Variants in ACSM3 observed in about 807,000 individuals in gnomAD.
ACSM3 encodes the protein acyl-coenzyme A synthetase ACSM3, mitochondrial.
Under a neutral mutation model 74.1 loss-of-function variants are expected in ACSM3, and 61 were observed. That is an observed-to-expected ratio of 0.82 (90% CI 0.67 to 1.02). The LOEUF is 1.02. Among genes scored for constraint, ACSM3 ranks in the 50% least tolerant of loss-of-function variants. The pLI is 0.00. For synonymous variants in ACSM3, 213 were observed against 241.5 expected (o/e 0.88, Z 1.09); for missense variants, 660 against 697.0 (o/e 0.95, Z 0.60).
chr16:20,766,425 C>T (rs746540007), intron 1 of ACSM3, among the ~76,000 whole-genome samples: 64 of 151,756 alleles, frequency 4.2e-4, no homozygotes, highest in Non-Finnish European at 7.4e-4. Flanking sequence ...AGGCCGTGTG[C>T]GTGTTTGTGT....
At chr16:20,787,930 G>A (rs2080509802) in intron 9 of ACSM3, among the ~76,000 whole-genome samples, 1 of 152,138 alleles carries the variant, frequency 6.6e-6, no homozygotes, top group African/African-American at 2.4e-5. Flanking sequence ...CACCACTTCA[G>A]TCTCAGATGG....
intron 1 of ACSM3, chr16:20,729,179 C>A (rs576574851): frequency 1.3e-5 from 9 of 676,306 alleles, no homozygotes; most frequent in Non-Finnish European, 2.2e-5. Context: ...AGTGTTATAC[C>A]CATTTCTGTT....
At chr16:20,773,427 T>C (rs2080217700) in intron 2 of ACSM3, among the ~76,000 whole-genome samples, 2 of 152,188 alleles carry the variant, frequency 1.3e-5, no homozygotes, top group South Asian at 4.1e-4. Flanking sequence ...CTTTTCTGGT[T>C]CCTTGAGGTG....
intron 1 of ACSM3, among the ~76,000 whole-genome samples, chr16:20,716,266 G>A (rs2079761151): frequency 6.6e-6 from 1 of 152,142 alleles, no homozygotes; most frequent in African/African-American, 2.4e-5. Context: ...TTTGTATAGG[G>A]ATTGTTGGCA....
chr16:20,737,204 AGCTTT>A, intron 1 of ACSM3: 1 of 1,614,262 alleles, frequency 6.2e-7, no homozygotes, highest in Non-Finnish European at 8.5e-7. Context: ...GGCAACAGAC[AGCTTT>A]GATGATTTCT....
chr16:20,735,761 T>C (rs1465158649), intron 1 of ACSM3: 1 of 152,256 alleles, frequency 6.6e-6, no homozygotes, highest in Non-Finnish European at 1.5e-5. Flanking sequence ...TGACTCATCA[T>C]CCTGGATAGA....
At chr16:20,741,423 T>C (rs899160493) in intron 1 of ACSM3, 36 of 1,431,616 alleles carry the variant, frequency 2.5e-5, no homozygotes, top group Non-Finnish European at 2.9e-5. Context: ...GAGGCGCGCA[T>C]GCCCATACCA....
chr16:20,678,470 G>A (rs2079360648), intron 1 of ACSM3, among the ~76,000 whole-genome samples: 1 of 152,174 alleles, frequency 6.6e-6, no homozygotes, highest in African/African-American at 2.4e-5. Context: ...CATGCCATGT[G>A]AAAAACTGCT....
chr16:20,791,112 T>C (rs541073564), intron 10 of ACSM3, among the ~76,000 whole-genome samples: 19 of 152,246 alleles, frequency 1.2e-4, no homozygotes, highest in Non-Finnish European at 5.9e-5. Flanking sequence ...AGCTCCTTAC[T>C]GTTTACAACA....
Position 20,797,313 on chromosome 16 carries a change from T to C in ACSM3, c.*341T>C. The C allele has an allele frequency of 2.9e-6, 3 of 1,023,196 alleles. No individual in the cohort carries two copies. The highest frequency in any genetic ancestry group is 3.5e-6 in the Non-Finnish European group (3 of 856,546). The allele number at this position is 1,023,196 out of a possible 1,614,324, so 63.4% of individuals were successfully genotyped here. On this transcript the variant is annotated 3_prime_UTR_variant, in exon 14 of 14. Coordinates refer to ENST00000289416, the MANE Select transcript of ACSM3 (RefSeq NM_005622.4). ...TTGACTAATTCTTCTGATATGTTGA[T>C]ATACAAATCAGAACCAATGTTCAAG...
chr16:20,741,701 G>A, intron 1 of ACSM3: 1 of 1,578,270 alleles, frequency 6.3e-7, no homozygotes, highest in East Asian at 2.3e-5. Flanking sequence ...TGCGCTTCCC[G>A]CCGCCAGGCT....
At chr16:20,693,167 C>T (rs889999109) in intron 1 of ACSM3, among the ~76,000 whole-genome samples, 1 of 143,164 alleles carries the variant, frequency 7.0e-6, no homozygotes, top group Non-Finnish European at 1.5e-5. Flanking sequence ...AAAATTCCGT[C>T]TCAAAAAAAA....
At chr16:20,747,549 A>G (rs940762210) in intron 1 of ACSM3, among the ~76,000 whole-genome samples, 8 of 152,036 alleles carry the variant, frequency 5.3e-5, no homozygotes, top group Admixed American at 3.9e-4. Flanking sequence ...CACCTAATAA[A>G]ATCCTCCTGT....
intron 1 of ACSM3, among the ~76,000 whole-genome samples, chr16:20,732,156 C>A (rs1293563274): frequency 1.3e-5 from 2 of 152,088 alleles, no homozygotes; most frequent in Admixed American, 6.6e-5. Context: ...CCCAAAGAAA[C>A]CATGAAATCT....
At chr16:20,677,930 C>T (rs2079340752) in intron 1 of ACSM3, among the ~76,000 whole-genome samples, 1 of 152,020 alleles carries the variant, frequency 6.6e-6, no homozygotes, top group Non-Finnish European at 1.5e-5. Flanking sequence ...AATTCTACAG[C>T]TCTTAAATGC....
At chr16:20,782,235 T>TTTTTG (rs1300580247) in intron 7 of ACSM3, among the ~76,000 whole-genome samples, 1 of 152,170 alleles carries the variant, frequency 6.6e-6, no homozygotes, top group Non-Finnish European at 1.5e-5. Context: ...TTTGTTTTTG[T>TTTTTG]TTTTGTTTTG....
At chr16:20,764,581 G>A (rs1363257132) in intron 1 of ACSM3, 1 of 152,154 alleles carries the variant, frequency 6.6e-6, no homozygotes, top group Non-Finnish European at 1.5e-5. Flanking sequence ...AAATTAGCCA[G>A]GTGTGGTGGC....
Position 20,709,379 on chromosome 16 carries a change from T to G in ACSM3, c.-190+34557T>G, listed in dbSNP as rs867830321. 2.6e-5 allele frequency among the ~76,000 whole-genome samples: 4 copies of G among 152,090 alleles called. No homozygotes were observed. The Middle Eastern group carries it at 0.01, about 388-fold the overall frequency. On this transcript the variant is annotated intron_variant, in intron 1 of 3. Transcript: ENST00000561584. ...CTCAATTAAATGTAAAACAAGCAGG[T>G]TAGATTATGTTTTCTGACTCAGAAT...
chr16:20,792,610 T>C lies in ACSM3; in HGVS notation c.1554+275T>C, dbSNP rs1326364683. On this transcript the variant is annotated intron_variant, in intron 12 of 13. Coordinates refer to ENST00000289416, the MANE Select transcript of ACSM3 (RefSeq NM_005622.4). Reference sequence around the variant, plus strand: ...TGGACTAGGGCAAAGATGGTGTGAATGCCAGTAACCCAGGCTCACGTCAGG... The same window carrying C: ...TGGACTAGGGCAAAGATGGTGTGAACGCCAGTAACCCAGGCTCACGTCAGG... 3 of 985,280 alleles carry C rather than the reference T, an allele frequency of 3.0e-6. No individual in the cohort carries two copies. The African/African-American group carries it at 5.2e-5, about 17-fold the overall frequency. 61.0% of individuals were successfully genotyped at this position (985,280 alleles called of 1,614,324 possible). A position where few individuals can be genotyped will look rare whatever the true frequency, so the allele number is the denominator to read the frequency against.
Sources: gnomAD v4.1 joint callset for allele counts (sites outside exome capture counted in the v4.1 genomes callset) on GRCh38, gnomAD v4.1.1 for gene constraint, MANE v1.5 for transcripts, NCBI Gene and HGNC (gene_info 2026-07-23, HGNC 2026-07-21) for gene names.